PTN: variants seen among roughly 807,000 people sequenced by gnomAD.
PTN encodes heparin affin regulatory protein.
Under a neutral mutation model 24.1 loss-of-function variants are expected in PTN, and 18 were observed. That is an observed-to-expected ratio of 0.75 (90% confidence interval 0.52 to 1.11). The LOEUF (loss-of-function observed/expected upper bound fraction) is 1.11. Among genes scored for constraint, PTN ranks in the 50% least tolerant of loss-of-function variants. The probability of loss-of-function intolerance (pLI) is 0.00; values close to 1 mark genes in which losing one functional copy is unlikely to be tolerated. For synonymous variants in PTN, 78 were observed against 68.6 expected (o/e 1.14, Z -0.67); for missense variants, 163 against 198.8 (o/e 0.82, Z 1.08).
At chr7:137,251,606 T>G (rs1808828862) in intron 3 of PTN, among the ~76,000 whole-genome samples, 7 of 149,032 alleles carry the variant, frequency 4.7e-5, no homozygotes, top group Admixed American at 4.0e-4. Flanking sequence ...ATATACACCA[T>G]TAATACACAC....
intron 4 of PTN, among the ~76,000 whole-genome samples, chr7:137,237,574 A>T (rs1396821810): frequency 6.6e-6 from 1 of 152,192 alleles, no homozygotes; most frequent in Non-Finnish European, 1.5e-5. Flanking sequence ...ATTTTAAGTC[A>T]TTTAAATATG....
At chr7:137,295,924 C>G (rs945061843) in intron 1 of PTN, among the ~76,000 whole-genome samples, 1 of 151,874 alleles carries the variant, frequency 6.6e-6, no homozygotes, top group Non-Finnish European at 1.5e-5. Context: ...TCTTTTTCTG[C>G]TTGAAAAGAA....
At chr7:137,335,400 T>A (rs1338818258) in intron 1 of PTN, among the ~76,000 whole-genome samples, 3 of 152,154 alleles carry the variant, frequency 2.0e-5, no homozygotes, top group African/African-American at 7.2e-5. Flanking sequence ...TCAGGTGGTG[T>A]CTGCAATTTT....
At chr7:137,258,004 G>C (rs1225300484) in intron 1 of PTN, among the ~76,000 whole-genome samples, 3 of 152,048 alleles carry the variant, frequency 2.0e-5, no homozygotes, top group Admixed American at 1.3e-4. Flanking sequence ...TGCACACACA[G>C]AGTTATTCAT....
intron 1 of PTN, among the ~76,000 whole-genome samples, chr7:137,297,952 A>G (rs1249494540): frequency 1.3e-5 from 2 of 151,934 alleles, no homozygotes; most frequent in East Asian, 3.9e-4. Context: ...GTCTGCACTC[A>G]CTAACCCTGT....
intron 4 of PTN, among the ~76,000 whole-genome samples, chr7:137,242,379 T>G (rs1379727189): frequency 6.6e-6 from 1 of 152,134 alleles, no homozygotes; most frequent in East Asian, 1.9e-4. Flanking sequence ...AACAAGGATC[T>G]GGTAACAGCA....
chr7:137,313,736 A>C (rs322337), intron 1 of PTN, among the ~76,000 whole-genome samples: 1 of 152,072 alleles, frequency 6.6e-6, no homozygotes, highest in African/African-American at 2.4e-5. Context: ...TCTGAAAATC[A>C]TGAGGCAAGG....
At chr7:137,248,752 C>T (rs370280406) in intron 4 of PTN, among the ~76,000 whole-genome samples, 2 of 152,064 alleles carry the variant, frequency 1.3e-5, no homozygotes, top group South Asian at 4.1e-4. Context: ...CTCTCCACTG[C>T]TGAGATGGAA....
chr7:137,244,554 CG>C (rs1308514280), intron 4 of PTN, among the ~76,000 whole-genome samples: 1 of 151,720 alleles, frequency 6.6e-6, no homozygotes, highest in African/African-American at 2.4e-5. Context: ...CAACAAGCCC[CG>C]GTGTGTGATG....
intron 1 of PTN, among the ~76,000 whole-genome samples, chr7:137,333,076 A>T (rs1810385302): frequency 6.6e-6 from 1 of 152,116 alleles, no homozygotes; most frequent in Admixed American, 6.6e-5. Flanking sequence ...TGAGTAGATT[A>T]ATGCCCTCCC....
Position 137,254,891 on chromosome 7 carries a change from T to C in PTN, c.83A>G (p.Asp28Gly). 2 of 1,582,756 alleles carry C rather than the reference T, an allele frequency of 1.3e-6. No individual in the cohort carries two copies. The highest frequency in any genetic ancestry group is 1.7e-6 in the Non-Finnish European group (2 of 1,156,732). ...CTCTTTCTTCCCTGCTTCAGCAGTATCCACAGCTGCCAGTATGAAAATGAA... is the reference window on the plus strand; with the variant it reads ...CTCTTTCTTCCCTGCTTCAGCAGTACCCACAGCTGCCAGTATGAAAATGAA... Reference protein sequence around the residue: ...LAFIFILAAVDTAEAGKKEKP... With the variant: ...LAFIFILAAVGTAEAGKKEKP... The change falls in exon 2 of 5, where the codon GAT becomes GGT. Residue 28 changes from aspartate to glycine, a missense_variant. Transcript: ENST00000348225.
chr7:137,250,925 A>G (rs1284725027), intron 4 of PTN, among the ~76,000 whole-genome samples: 1 of 152,184 alleles, frequency 6.6e-6, no homozygotes, highest in Non-Finnish European at 1.5e-5. Flanking sequence ...TACAGTTCCA[A>G]TTAAGAGTGT....
At chr7:137,243,348 A>T (rs1164760158) in intron 4 of PTN, among the ~76,000 whole-genome samples, 1 of 152,172 alleles carries the variant, frequency 6.6e-6, no homozygotes, top group Admixed American at 6.5e-5. Context: ...TGGTAATTCC[A>T]GTGAGGAGAG....
intron 1 of PTN, among the ~76,000 whole-genome samples, chr7:137,301,333 G>C (rs778721865): frequency 1.2e-4 from 18 of 151,902 alleles, no homozygotes; most frequent in Non-Finnish European, 2.4e-4. Context: ...AGACAGCGTA[G>C]GCTCCTCATA....
intron 1 of PTN, among the ~76,000 whole-genome samples, chr7:137,321,679 A>G (rs1810165598): frequency 6.6e-6 from 1 of 152,166 alleles, no homozygotes; most frequent in Non-Finnish European, 1.5e-5. Context: ...AGCACTATTT[A>G]ATAATCATTT....
Position 137,253,596 on chromosome 7 carries a change from TC to T in PTN, c.156del (p.Trp52Ter). 1 of 1,581,026 alleles carries T rather than the reference TC, an allele frequency of 6.3e-7. No individual in the cohort carries two copies. The highest frequency in any genetic ancestry group is 8.6e-7 in the Non-Finnish European group (1 of 1,160,098). ...VKKSDCGEWQ[W>X]SVCVPTSGDC... is the part of the protein sequence containing the mutation. The stretch of plus-strand genomic sequence containing the variant: ...TCTCCACTGGTGGGCACACACACAC[TC>T]CACTGCCATTCTCCACAGTCAGACT... On this transcript the variant is annotated frameshift_variant, in exon 3 of 5. Coordinates refer to ENST00000348225, the MANE Select transcript of PTN (RefSeq NM_002825.7). LOFTEE classifies it high-confidence loss of function.
rs996948812 is a variant in PTN, at chr7:137,302,576, G to A, written c.-2+40863C>T. Among the ~76,000 whole-genome samples, 19 of 151,890 alleles carry A rather than the reference G, an allele frequency of 1.3e-4. 1 individual carries two copies. The highest frequency in any genetic ancestry group is 3.9e-4 in the African/African-American group (16 of 41,388). ...CTTTTATGGAACTATCAGTGCCCTC[G>A]TCTACTCTCCACTCTCTGGGTATGT... is the stretch of plus-strand genomic sequence containing the variant. On this transcript the variant is annotated intron_variant, in intron 1 of 4. Coordinates refer to ENST00000348225, the MANE Select transcript of PTN (RefSeq NM_002825.7).
At chr7:137,263,105 T>C (rs981171022) in intron 1 of PTN, among the ~76,000 whole-genome samples, 1 of 152,234 alleles carries the variant, frequency 6.6e-6, no homozygotes, top group East Asian at 1.9e-4. Context: ...TATAGTACAC[T>C]TGTGCTGAAG....
intron 1 of PTN, among the ~76,000 whole-genome samples, chr7:137,306,509 C>A (rs912518700): frequency 1.3e-5 from 2 of 151,974 alleles, no homozygotes; most frequent in Admixed American, 6.6e-5. Flanking sequence ...TTTCCCACCC[C>A]CTGGGAGCAG....
Sources: gnomAD v4.1 joint callset for allele counts (sites outside exome capture counted in the v4.1 genomes callset) on GRCh38, gnomAD v4.1.1 for gene constraint, MANE v1.5 for transcripts, NCBI Gene and HGNC (gene_info 2026-07-23, HGNC 2026-07-21) for gene names.